The following PKD1 variants were observed in gnomAD, a reference collection of about 807,000 sequenced individuals.
The protein encoded by PKD1 is polycystin-1.
A neutral mutation model predicts 361.7 loss-of-function variants in PKD1; 81 were observed. That is an observed-to-expected ratio of 0.22 (90% CI 0.19 to 0.27). The LOEUF (loss-of-function observed/expected upper bound fraction) is 0.27. Ranked by LOEUF, PKD1 falls within the 10% of genes least tolerant of loss-of-function variation. The pLI is 1.00. For synonymous variants in PKD1, 3,615 were observed against 2,818.3 expected (o/e 1.28, Z -8.95); for missense variants, 6,399 against 6,118.3 (o/e 1.05, Z -1.53).
intron 21 of PKD1, 92 bp downstream of exon 21, chr16:2,105,230 C>T (rs1302953756): frequency 2.3e-6 from 3 of 1,287,010 alleles, no homozygotes; most frequent in East Asian, 2.5e-5. Context: ...GGAGGCTCAG[C>T]TCCTCGGCCA....
Position 2,109,787 on chromosome 16 carries a change from C to A in PKD1, c.5380G>T (p.Val1794Leu). ...GNPLGSANAT[V>L]EVDVQVPVSG... ...ACAGGCACCTGCACATCCACTTCCA[C>A]GGTGGCGTTGGCTGAGCCCAGCGGG... Residue 1794 changes from valine to leucine, a missense_variant, in exon 15 of 46, where the codon GTG (valine) becomes TTG (leucine). By Grantham distance (32) the Val-to-Leu change is conservative. Coordinates refer to ENST00000262304, the MANE Select transcript of PKD1 (RefSeq NM_001009944.3). 2 of 1,609,854 alleles carry A rather than the reference C, an allele frequency of 1.2e-6. No individual in the cohort carries two copies. The highest frequency in any genetic ancestry group is 1.7e-5 in the Admixed American group (1 of 59,956).
At chr16:2,105,685 C>T (rs1056786276) in intron 20 of PKD1, 180 bp downstream of exon 20, 55 of 1,334,330 alleles carry the variant, frequency 4.1e-5, no homozygotes, top group Middle Eastern at 2.6e-4. Flanking sequence ...AAGCAGACGC[C>T]GGAGAGGGCC....
intron 34 of PKD1, chr16:2,096,878 C>T (rs1284525941): frequency 2.4e-5 from 13 of 546,506 alleles, no homozygotes; most frequent in South Asian, 1.2e-4. Context: ...AAGATAAAAA[C>T]GTGGCCCCGG....
chr16:2,107,730 G>A (rs1432280909), intron 16 of PKD1, 153 bp downstream of exon 16: 8 of 740,432 alleles, frequency 1.1e-5, no homozygotes, highest in Non-Finnish European at 1.8e-5. Context: ...AGGAAGCAAA[G>A]CTGAAGCAGG....
In PKD1 at chr16:2,110,935, C is replaced by T. The variant is rs371937874; in HGVS notation, c.4232G>A (p.Arg1411His). Residue 1411 changes from arginine to histidine, a missense_variant, in exon 15 of 46, where the codon CGC becomes CAC. Arg to His is a conservative substitution (Grantham distance 29). Transcript: ENST00000262304. The part of the protein sequence containing the change: ...VACAWPPFPY[R>H]YTWDFGTEEA... ...CTCGGTGCCAAAGTCCCAGGTGTAG[C>T]GGTAGGGGAACGGGGGCCAGGCACA... 1.1e-4 allele frequency: 171 copies of T among 1,611,030 alleles called. No individual in the cohort carries two copies. Among genetic ancestry groups the T allele is most frequent in the African/African-American group, 7.7e-4 (58 of 74,986 alleles).
At chr16:2,128,672 C>T (rs975705452) in intron 1 of PKD1, among the ~76,000 whole-genome samples, 2 of 152,198 alleles carry the variant, frequency 1.3e-5, no homozygotes, top group African/African-American at 2.4e-5. Context: ...CGGAGCCCGG[C>T]GTGGCCACCG....
Position 2,091,179 on chromosome 16 carries a change from G to T in PKD1, c.11713-5C>A, listed in dbSNP as rs778989685. 5.6e-5 allele frequency: 79 copies of T among 1,404,466 alleles called. No individual in the cohort carries two copies. The highest frequency in any genetic ancestry group is 9.3e-5 in the Admixed American group (3 of 32,106). The allele number at this position is 1,404,466 out of a possible 1,614,324, so 87.0% of individuals were successfully genotyped here. A position where few individuals can be genotyped will look rare whatever the true frequency, so the allele number is the denominator to read the frequency against. On this transcript the variant is annotated splice_polypyrimidine_tract_variant and splice_region_variant and intron_variant, in intron 42 of 45. Transcript: ENST00000262304. The stretch of plus-strand genomic sequence containing the variant: ...GGCGAACAGCAGCAGGCACACCTGT[G>T]GGGGGCGCGGTCAGGAGGGCGGGAG...
Position 2,108,927 on chromosome 16 carries a change from C to T in PKD1, c.6240G>A (p.Glu2080=), listed in dbSNP as rs1416094361. The stretch of plus-strand genomic sequence containing the variant: ...GCCGGGGGCTGGGGCTGGTGGCGGC[C>T]TCAAACTGCGCCGAGCGGTTGGTGA... The part of the protein sequence containing the change: ...PCFTNRSAQF[E]AATSPSPRRV... Residue 2080 remains glutamate, a synonymous_variant, in exon 15 of 46, where the codon GAG becomes GAA. Coordinates refer to ENST00000262304, the MANE Select transcript of PKD1 (RefSeq NM_001009944.3). The T allele has an allele frequency of 3.8e-6, 6 of 1,597,676 alleles. No individual in the cohort carries two copies. Among genetic ancestry groups the T allele is most frequent in the Non-Finnish European group, 5.1e-6 (6 of 1,173,990 alleles).
rs35965348 is a variant in PKD1 at position 2,114,293 on chromosome 16, G to A, written c.2730C>T (p.Asp910=). ...PWLSEGEHVV[D]VVVENSASRA... ...GGCTGGCGCTGTTTTCCACCACCAC[G>A]TCCACCACGTGCTCCCCCTCACTGA... is the stretch of plus-strand genomic sequence containing the variant. The change falls in exon 11 of 46, where the codon GAC becomes GAT. Residue 910 remains aspartate, a synonymous_variant. Coordinates refer to ENST00000262304, the MANE Select transcript of PKD1 (RefSeq NM_001009944.3). 0.062 allele frequency: 99,809 copies of A among 1,610,168 alleles called. 3,487 individuals are homozygous for A. Among genetic ancestry groups the A allele is most frequent in the Non-Finnish European group, 0.067 (79,580 of 1,179,428 alleles).
At chr16:2,113,700 T>C (rs1285356004) in intron 11 of PKD1, 1 of 357,044 alleles carries the variant, frequency 2.8e-6, no homozygotes, top group African/African-American at 2.1e-5. Flanking sequence ...GTCACGCCAT[T>C]TCTGATGGCC....
rs1023586335 is a variant in PKD1 at position 2,118,246 on chromosome 16, G to A, written c.746C>T (p.Ser249Phe). The A allele has an allele frequency of 1.3e-6, 2 of 1,531,562 alleles. No homozygotes were observed. The highest frequency in any genetic ancestry group is 1.7e-6 in the Non-Finnish European group (2 of 1,143,142). 94.9% of individuals were successfully genotyped at this position (1,531,562 alleles called of 1,614,324 possible). The stretch of plus-strand genomic sequence containing the variant: ...GGGGGCAGGAGGTGGCGGGGGGCCG[G>A]AGCAGAGGGACAGGCAGGCAAAGGA... ...SASFACLSLC[S>F]GPPPPPAPTC... Residue 249 changes from serine to phenylalanine, a missense_variant, in exon 5 of 46, where the codon TCC (serine) becomes TTC (phenylalanine). Coordinates refer to ENST00000262304, the MANE Select transcript of PKD1 (RefSeq NM_001009944.3). The surrounding 1 kb of genome is among the most constrained non-coding windows in gnomAD (Gnocchi z 6.0).
chr16:2,110,613 G>C lies in PKD1; in HGVS notation c.4554C>G (p.Asn1518Lys). 1.2e-6 allele frequency: 2 copies of C among 1,610,354 alleles called. No individual in the cohort carries two copies. The highest frequency in any genetic ancestry group is 1.7e-6 in the Non-Finnish European group (2 of 1,179,470). Residue 1518 changes from asparagine to lysine, a missense_variant, in exon 15 of 46, where the codon AAC (asparagine) becomes AAG (lysine). Asn to Lys is a moderately conservative substitution (Grantham distance 94). Coordinates refer to ENST00000262304, the MANE Select transcript of PKD1 (RefSeq NM_001009944.3). ...CCCTAACGGTGAAGTCACCTGTGCT[G>C]TTGTAAGCGTGGGTGACCTCCGGAC... ...LEGPEVTHAY[N>K]STGDFTVRVA...
rs758425466 is a variant in PKD1 at position 2,102,975 on chromosome 16, G to A, written c.8792-5C>T. 6.2e-7 allele frequency: 1 copy of A among 1,602,758 alleles called. No homozygotes were observed. The highest frequency in any genetic ancestry group is 1.1e-5 in the South Asian group (1 of 90,984). On this transcript the variant is annotated splice_polypyrimidine_tract_variant and splice_region_variant and intron_variant, in intron 23 of 45. Coordinates refer to ENST00000262304, the MANE Select transcript of PKD1 (RefSeq NM_001009944.3). ...GTTCCTCAGACAGGTAGTGGCCTGG[G>A]GCAGAACGCGCAGGTCACACGCCTG...
In PKD1 at chr16:2,090,435, G is replaced by A. The variant is rs902521035; in HGVS notation, c.12294C>T (p.Ala4098=). ...VGLWALRLWG[A]LRLGAVILRW... ...GGAGAATAACAGCCCCCAGCCGTAG[G>A]GCGCCCCACAGCCGCAGTGCCCAGA... The change falls in exon 45 of 46, where the codon GCC becomes GCT. Residue 4098 remains alanine, a synonymous_variant. Coordinates refer to ENST00000262304, the MANE Select transcript of PKD1 (RefSeq NM_001009944.3). 2 of 1,612,560 alleles carry A rather than the reference G, an allele frequency of 1.2e-6. No homozygotes were observed. The highest frequency in any genetic ancestry group is 1.3e-5 in the African/African-American group (1 of 75,044).
chr16:2,107,778 G>A (rs1023174349), intron 16 of PKD1, 105 bp downstream of exon 16: 28 of 1,062,538 alleles, frequency 2.6e-5, no homozygotes, highest in Middle Eastern at 5.7e-4. Flanking sequence ...GAAACAGAGA[G>A]GGGAGAGCGT....
chr16:2,122,352 G>A (rs940688098), intron 1 of PKD1, among the ~76,000 whole-genome samples: 6 of 152,204 alleles, frequency 3.9e-5, no homozygotes, highest in Non-Finnish European at 5.9e-5. Context: ...CCTGGGCTCC[G>A]GGAGGGGAGA....
At position 2,115,409 on chromosome 16, in the gene PKD1, G is replaced by T. The variant is rs756548645; in HGVS notation, c.2066C>A (p.Ser689Tyr). 10 of 1,573,826 alleles carry T rather than the reference G, an allele frequency of 6.4e-6. No individual in the cohort carries two copies. Among genetic ancestry groups the T allele is most frequent in the Non-Finnish European group, 8.6e-6 (10 of 1,159,280 alleles). Residue 689 changes from serine to tyrosine, a missense_variant, in exon 10 of 46, where the codon TCC becomes TAC. By Grantham distance (144) the Ser-to-Tyr change is moderately radical (BLOSUM62 -2). Transcript: ENST00000262304. Reference protein sequence around the residue: ...PYALWREFLFSVPAGPPAQYS... With the variant: ...PYALWREFLFYVPAGPPAQYS... Reference sequence around the variant, plus strand: ...CTGCGCGGGGGGCCCCGCGGGAACGGAGAAGAGGAACTCTCTCCATAGCGC... The same window carrying T: ...CTGCGCGGGGGGCCCCGCGGGAACGTAGAAGAGGAACTCTCTCCATAGCGC...
At chr16:2,134,685 G>A (rs1336167361) in intron 1 of PKD1, among the ~76,000 whole-genome samples, 2 of 149,664 alleles carry the variant, frequency 1.3e-5, no homozygotes, top group Non-Finnish European at 3.0e-5. Context: ...AATCTCCACG[G>A]TCCCTATGCC....
chr16:2,115,589 G>A lies in PKD1; in HGVS notation c.1886C>T (p.Ser629Phe), dbSNP rs569768187. The A allele has an allele frequency of 3.1e-5, 49 of 1,595,384 alleles. No individual in the cohort carries two copies. The East Asian group carries it at 1.0e-3, about 34-fold the overall frequency. The part of the protein sequence containing the change: ...PENGSEPESR[S>F]PDNRTQLAPA... ...GGCCAGCTGGGTCCTGTTGTCCGGGGACCTGCTCTCAGGCTCGCTGCCGTT... is the reference window on the plus strand; with the variant it reads ...GGCCAGCTGGGTCCTGTTGTCCGGGAACCTGCTCTCAGGCTCGCTGCCGTT... Residue 629 changes from serine (S) to phenylalanine (F), a missense_variant, in exon 10 of 46, where the codon TCC (serine) becomes TTC (phenylalanine). Transcript: ENST00000262304.
Sources: allele counts gnomAD v4.1 joint callset (sites outside exome capture counted in the v4.1 genomes callset), GRCh38; gene constraint gnomAD v4.1.1; non-coding constraint Gnocchi (gnomAD v3.1); transcripts MANE v1.5; gene names NCBI Gene and HGNC (gene_info 2026-07-23, HGNC 2026-07-21).